KALRN: variants seen among roughly 807,000 people sequenced by gnomAD.
KALRN encodes kalirin.
In KALRN, 70 loss-of-function variants were observed where a neutral mutation model predicts 353.7. The observed-to-expected ratio is 0.20, with a 90% CI of 0.16 to 0.24. KALRN has a LOEUF of 0.24. KALRN is among the 10% of genes least tolerant of loss of function. The probability of loss-of-function intolerance (pLI) is 1.00; values close to 1 mark genes in which losing one functional copy is unlikely to be tolerated. For missense variants in KALRN, 2,791 were observed against 3,756.7 expected, an observed-to-expected ratio of 0.74 and a Z score of 6.72; for synonymous variants, 1,391 against 1,434.8, an observed-to-expected ratio of 0.97 and a Z score of 0.69.
chr3:124,561,417 A>G (rs1008546987), intron 33 of KALRN, among the ~76,000 whole-genome samples: 5 of 152,200 alleles, frequency 3.3e-5, no homozygotes, highest in African/African-American at 1.2e-4. Flanking sequence ...CATATTGCCA[A>G]CATCAGTCTG....
At chr3:124,157,461 C>T (rs1024023146) in intron 1 of KALRN, among the ~76,000 whole-genome samples, 14 of 152,152 alleles carry the variant, frequency 9.2e-5, no homozygotes, top group Admixed American at 7.2e-4. Flanking sequence ...TAGAAATACC[C>T]GAAATGTCTT....
chr3:124,147,488 C>G (rs936024522), intron 1 of KALRN, among the ~76,000 whole-genome samples: 2 of 152,128 alleles, frequency 1.3e-5, no homozygotes, highest in African/African-American at 4.8e-5. Flanking sequence ...TTGAATTGTC[C>G]TGTCAGTAGC....
chr3:124,328,100 C>T (rs2080109956), intron 7 of KALRN, among the ~76,000 whole-genome samples: 1 of 152,128 alleles, frequency 6.6e-6, no homozygotes, highest in Non-Finnish European at 1.5e-5. Context: ...TTTTTATTTC[C>T]TCCATTTGTG....
chr3:124,305,641 T>C (rs984359441), intron 6 of KALRN, among the ~76,000 whole-genome samples: 2 of 152,124 alleles, frequency 1.3e-5, no homozygotes, highest in Non-Finnish European at 1.5e-5. Flanking sequence ...GCCTATCCAA[T>C]GCTGTACTCC....
At chr3:124,606,009 A>G (rs55892553) in intron 34 of KALRN, among the ~76,000 whole-genome samples, 90,677 of 151,910 alleles carry the variant, frequency 0.6, 27,276 homozygotes, top group East Asian at 0.83. Flanking sequence ...TTAACCACCA[A>G]CTTCACCCTC....
At chr3:124,099,789 T>A (rs1273345001) in intron 1 of KALRN, among the ~76,000 whole-genome samples, 1 of 152,236 alleles carries the variant, frequency 6.6e-6, no homozygotes, top group Non-Finnish European at 1.5e-5. Flanking sequence ...ATTGTGGTTT[T>A]GATAGCATTT....
intron 1 of KALRN, among the ~76,000 whole-genome samples, chr3:124,097,178 T>C (rs2061510309): frequency 1.3e-5 from 2 of 152,270 alleles, no homozygotes; most frequent in South Asian, 4.1e-4. Flanking sequence ...TTTCCTCTTG[T>C]AACGAATGTT....
At chr3:124,273,849 C>T (rs902793892) in intron 5 of KALRN, among the ~76,000 whole-genome samples, 1 of 152,208 alleles carries the variant, frequency 6.6e-6, no homozygotes, top group African/African-American at 2.4e-5. Context: ...ATGGGCCTGT[C>T]CTCCACTGTA....
chr3:124,677,910 C>T (rs561446771), intron 49 of KALRN, among the ~76,000 whole-genome samples: 1 of 152,194 alleles, frequency 6.6e-6, no homozygotes, highest in South Asian at 2.1e-4. Flanking sequence ...TACAAACTCC[C>T]TTATTAGAGT....
chr3:124,053,391 A>G (rs1398563425), intron 1 of KALRN, among the ~76,000 whole-genome samples: 1 of 152,188 alleles, frequency 6.6e-6, no homozygotes, highest in African/African-American at 2.4e-5. Flanking sequence ...TATCTGCAGG[A>G]TTTAATGTCT....
At chr3:124,684,835 A>T (rs896244368) in intron 51 of KALRN, among the ~76,000 whole-genome samples, 2 of 152,054 alleles carry the variant, frequency 1.3e-5, no homozygotes, top group Admixed American at 1.3e-4. Flanking sequence ...GGCTCTGGGA[A>T]GTTTGAGCGG....
At chr3:124,201,112 T>C (rs1441860124) in intron 1 of KALRN, among the ~76,000 whole-genome samples, 1 of 152,234 alleles carries the variant, frequency 6.6e-6, no homozygotes, top group African/African-American at 2.4e-5. Context: ...GGGGATATGA[T>C]GCCAGGAGAT....
In KALRN at chr3:124,398,846, G is replaced by T; in HGVS notation, c.2321G>T (p.Arg774Leu). The change falls in exon 13 of 60, where the codon CGC becomes CTC. Residue 774 changes from arginine (R) to leucine (L), a missense_variant. Physicochemically the swap from Arg to Leu is moderately radical, Grantham distance 102. This residue lies in a region of KALRN where 452 missense variants were observed against 575.8 expected (regional missense o/e 0.78). Coordinates refer to ENST00000682506, the MANE Select transcript of KALRN (RefSeq NM_001388419.1). The stretch of plus-strand genomic sequence containing the variant: ...AAGCTGGACATCTTCCTGCAACTGC[G>T]CATCTTTGAGCAGTACACCATCGAG... ...KIKLDIFLQLRIFEQYTIEVT... is the reference protein window; with the variant it reads ...KIKLDIFLQLLIFEQYTIEVT... The T allele has an allele frequency of 6.2e-7, 1 of 1,612,968 alleles. No homozygotes were observed. The highest frequency in any genetic ancestry group is 8.5e-7 in the Non-Finnish European group (1 of 1,179,452).
intron 1 of KALRN, among the ~76,000 whole-genome samples, chr3:124,117,393 C>T (rs1327780145): frequency 1.3e-5 from 2 of 150,518 alleles, no homozygotes; most frequent in African/African-American, 4.9e-5. Context: ...AATAACTAAA[C>T]ATTTATTAAG....
intron 1 of KALRN, among the ~76,000 whole-genome samples, chr3:124,042,525 G>A (rs1372870837): frequency 1.3e-5 from 2 of 152,120 alleles, no homozygotes; most frequent in African/African-American, 4.8e-5. Flanking sequence ...ATGGAGAGGA[G>A]GGGATGGATA....
chr3:124,704,587 G>A (rs1018275862), intron 57 of KALRN, among the ~76,000 whole-genome samples: 6 of 151,442 alleles, frequency 4.0e-5, no homozygotes, highest in Middle Eastern at 3.4e-3. Context: ...TCACTATGTT[G>A]CCCAGGCTTG....
At chr3:124,229,206 A>G (rs1223285276) in intron 2 of KALRN, among the ~76,000 whole-genome samples, 2 of 152,186 alleles carry the variant, frequency 1.3e-5, no homozygotes, top group Non-Finnish European at 2.9e-5. Context: ...AGCCTGAAAT[A>G]TTTACTCTCT....
chr3:124,286,418 T>C (rs951156405), intron 5 of KALRN, among the ~76,000 whole-genome samples: 1 of 151,806 alleles, frequency 6.6e-6, no homozygotes, highest in Non-Finnish European at 1.5e-5. Flanking sequence ...CGCCTGGCTA[T>C]ATTTTTGTCT....
chr3:124,538,685 C>T (rs564979408), intron 33 of KALRN, among the ~76,000 whole-genome samples: 1 of 152,222 alleles, frequency 6.6e-6, no homozygotes, highest in South Asian at 2.1e-4. Context: ...GAATGACGAC[C>T]CTGTAGCAGA....
Sources: allele counts gnomAD v4.1 joint callset (sites outside exome capture counted in the v4.1 genomes callset), GRCh38; gene constraint gnomAD v4.1.1; regional missense constraint gnomAD v4.1.1; transcripts MANE v1.5; gene names NCBI Gene and HGNC (gene_info 2026-07-23, HGNC 2026-07-21).